The following TASP1 variants were observed in gnomAD, a reference collection of about 807,000 sequenced individuals.
TASP1 encodes taspase 1, also known as threonine aspartase 1.
TASP1 carries 16 observed loss-of-function variants against 56.6 expected under a neutral mutation model. That is an observed-to-expected ratio of 0.28 (90% confidence interval 0.19 to 0.43). The LOEUF (loss-of-function observed/expected upper bound fraction) is 0.43, where lower values mean the gene tolerates loss of function less well. Ranked by LOEUF, TASP1 falls within the 20% of genes least tolerant of loss-of-function variation. The probability of loss-of-function intolerance (pLI) is 1.00; values close to 1 mark genes in which losing one functional copy is unlikely to be tolerated. For synonymous variants in TASP1, 179 were observed against 184.2 expected (o/e 0.97, Z 0.23); for missense variants, 393 against 511.6 (o/e 0.77, Z 2.24).
At chr20:13,611,019 GA>G (rs1378679612) in intron 4 of TASP1, among the ~76,000 whole-genome samples, 4 of 151,788 alleles carry the variant, frequency 2.6e-5, no homozygotes, top group East Asian at 3.9e-4. Context: ...TTCAACCCTG[GA>G]AAAAAAATTA....
the TASP1 span, among the ~76,000 whole-genome samples, chr20:13,136,094 T>C: frequency 3.3e-5 from 5 of 152,194 alleles, no homozygotes; most frequent in Non-Finnish European, 4.4e-5. Flanking sequence ...ACTTAAATGA[T>C]AAATTTAGGA....
chr20:13,382,904 G>T, the TASP1 span, among the ~76,000 whole-genome samples: 1 of 152,194 alleles, frequency 6.6e-6, no homozygotes, highest in African/African-American at 2.4e-5. Flanking sequence ...GCTGGAGGGG[G>T]TGTGGTTAGG....
At chr20:13,312,509 C>G in the TASP1 span, among the ~76,000 whole-genome samples, 1 of 152,200 alleles carries the variant, frequency 6.6e-6, no homozygotes, top group Admixed American at 6.5e-5. Context: ...AAACAGAGCA[C>G]TAGACTCGGA....
the TASP1 span, among the ~76,000 whole-genome samples, chr20:13,177,159 T>C: frequency 1.3e-5 from 2 of 152,020 alleles, no homozygotes; most frequent in Admixed American, 1.3e-4. Context: ...GAGAATCGCT[T>C]GAACCCAGGA....
At chr20:13,610,248 A>G (rs2048305423) in intron 4 of TASP1, among the ~76,000 whole-genome samples, 1 of 152,250 alleles carries the variant, frequency 6.6e-6, no homozygotes, top group African/African-American at 2.4e-5. Context: ...AAAATGCTTC[A>G]TTTTGTATTC....
At chr20:13,547,037 T>C (rs1316381582) in intron 8 of TASP1, among the ~76,000 whole-genome samples, 3 of 152,230 alleles carry the variant, frequency 2.0e-5, no homozygotes, top group South Asian at 2.1e-4. Flanking sequence ...TATCATTATA[T>C]GGGTTTTCTC....
intron 13 of TASP1, among the ~76,000 whole-genome samples, chr20:13,410,675 C>CT (rs951633373): frequency 2.0e-5 from 3 of 151,030 alleles, no homozygotes; most frequent in South Asian, 2.1e-4. Context: ...TTAATGGGAT[C>CT]TTTTTTTTTA....
rs1212360097 is a variant in TASP1 at position 13,550,185 on chromosome 20, C to CACAG, written c.675+8822_675+8823insCTGT. 2.4e-4 allele frequency among the ~76,000 whole-genome samples: 35 copies of CACAG among 148,468 alleles called. No homozygotes were observed. The South Asian group carries it at 3.8e-3, about 16-fold the overall frequency. ...ACACACACACACACACACACACACA[C>CACAG]AGAGACACTGCAATTGTCCAGTCAT... On this transcript the variant is annotated intron_variant, in intron 8 of 13. Coordinates refer to ENST00000337743, the MANE Select transcript of TASP1 (RefSeq NM_017714.3).
At chr20:13,278,870 C>T in the TASP1 span, among the ~76,000 whole-genome samples, 12 of 152,298 alleles carry the variant, frequency 7.9e-5, no homozygotes, top group African/African-American at 2.9e-4. Context: ...TGGTTCTCCT[C>T]CATGCAGCCT....
the TASP1 span, among the ~76,000 whole-genome samples, chr20:13,147,089 C>T: frequency 2.0e-5 from 3 of 152,164 alleles, no homozygotes; most frequent in Non-Finnish European, 4.4e-5. Flanking sequence ...CCAGAGCCCT[C>T]GAAATCAGGC....
chr20:13,204,528 C>CATATATTTTATATATAT, the TASP1 span, among the ~76,000 whole-genome samples: 1 of 145,286 alleles, frequency 6.9e-6, no homozygotes, highest in African/African-American at 2.5e-5. Flanking sequence ...TTTATATATT[C>CATATATTTTATATATAT]ATATATATAT....
the TASP1 span, among the ~76,000 whole-genome samples, chr20:13,360,661 T>C: frequency 1.3e-5 from 2 of 152,164 alleles, no homozygotes; most frequent in Non-Finnish European, 2.9e-5. Context: ...CTCAACTCAC[T>C]CTCTAAAGTT....
intron 10 of TASP1, among the ~76,000 whole-genome samples, chr20:13,486,052 T>C (rs1377807817): frequency 2.6e-5 from 4 of 152,206 alleles, no homozygotes; most frequent in African/African-American, 9.7e-5. Context: ...TTATGACTTA[T>C]ACTCTCTGAC....
chr20:13,220,551 T>C, the TASP1 span, among the ~76,000 whole-genome samples: 1 of 152,270 alleles, frequency 6.6e-6, no homozygotes, highest in South Asian at 2.1e-4. Context: ...CACTCCGAGT[T>C]CCTGAGCGCC....
At chr20:13,523,183 G>A (rs956018083) in intron 10 of TASP1, among the ~76,000 whole-genome samples, 1 of 151,976 alleles carries the variant, frequency 6.6e-6, no homozygotes, top group African/African-American at 2.4e-5. Flanking sequence ...ATGGGGAGAG[G>A]GCTAGAAGGA....
the TASP1 span, among the ~76,000 whole-genome samples, chr20:13,215,352 T>C: frequency 6.6e-6 from 1 of 152,218 alleles, no homozygotes; most frequent in Non-Finnish European, 1.5e-5. Context: ...GGAAATTACA[T>C]AACCTTGTAA....
intron 13 of TASP1, among the ~76,000 whole-genome samples, chr20:13,406,043 C>A (rs930093101): frequency 6.6e-6 from 1 of 152,148 alleles, no homozygotes; most frequent in Non-Finnish European, 1.5e-5. Flanking sequence ...TTTAGGGTTG[C>A]CTCTTCTGTG....
intron 1 of TASP1, among the ~76,000 whole-genome samples, chr20:13,635,971 C>T (rs184088116): frequency 6.6e-6 from 1 of 151,966 alleles, no homozygotes; most frequent in African/African-American, 2.4e-5. Context: ...AAAACTACCA[C>T]GTCCTGTTGC....
At chr20:13,221,222 C>CCTA in the TASP1 span, among the ~76,000 whole-genome samples, 3 of 42,324 alleles carry the variant, frequency 7.1e-5, no homozygotes, top group Non-Finnish European at 1.3e-4. Flanking sequence ...CCCTCCTACT[C>CCTA]CTCCTCCTCC....
Sources: allele counts gnomAD v4.1 joint callset (sites outside exome capture counted in the v4.1 genomes callset), GRCh38; gene constraint gnomAD v4.1.1; transcripts MANE v1.5; gene names NCBI Gene and HGNC (gene_info 2026-07-23, HGNC 2026-07-21).